LRRC49: variants seen among roughly 807,000 people sequenced by gnomAD.
LRRC49 encodes the protein leucine rich repeat containing 49, also known as leucine-rich repeat-containing protein 49.
Under a neutral mutation model 83.3 loss-of-function variants are expected in LRRC49, and 50 were observed. The ratio of observed to expected loss-of-function variants is 0.60; its 90% confidence interval spans 0.48 to 0.76. The LOEUF is 0.76. LRRC49 is among the 30% of genes least tolerant of loss of function. The pLI, the probability that LRRC49 is intolerant of heterozygous loss-of-function variation, is 0.00. For missense variants in LRRC49, 704 were observed against 809.1 expected (o/e 0.87, Z 1.58); for synonymous variants, 286 against 283.3 (o/e 1.01, Z -0.10).
intron 11 of LRRC49, among the ~76,000 whole-genome samples, chr15:70,989,425 C>T (rs1319566644): frequency 2.6e-5 from 4 of 152,128 alleles, no homozygotes; most frequent in Non-Finnish European, 4.4e-5. Context: ...TTGATCGCAT[C>T]GGCTCCTGAG....
At chr15:70,854,207 G>C (rs1160891357) in intron 1 of LRRC49, 1 of 661,360 alleles carries the variant, frequency 1.5e-6, no homozygotes, top group Non-Finnish European at 2.0e-6. Context: ...TCGGCCCAGG[G>C]GAGGGACAGG....
At chr15:70,898,589 C>T in intron 3 of LRRC49, 1 of 516,340 alleles carries the variant, frequency 1.9e-6, no homozygotes, top group East Asian at 3.1e-5. Flanking sequence ...CCATCTTGAA[C>T]ATGGGTAATA....
In LRRC49 at chr15:70,932,502, A is replaced by G. The variant is rs1040280028; in HGVS notation, c.712-4259A>G. On this transcript the variant is annotated intron_variant, in intron 7 of 15. Coordinates refer to ENST00000260382, the MANE Select transcript of LRRC49 (RefSeq NM_017691.5). ...TTTACTCTAACTTGTTTTGTATGAAAGCCTACATAGTAAAAATGAGAGTAG... is the reference window on the plus strand; with the variant it reads ...TTTACTCTAACTTGTTTTGTATGAAGGCCTACATAGTAAAAATGAGAGTAG... Among the ~76,000 whole-genome samples, 9 of 152,132 alleles carry G rather than the reference A, an allele frequency of 5.9e-5. No homozygotes were observed. The South Asian group carries it at 6.2e-4, about 11-fold the overall frequency.
chr15:70,881,479 C>T (rs1038182487), intron 2 of LRRC49: 1 of 152,098 alleles, frequency 6.6e-6, no homozygotes, highest in Non-Finnish European at 1.5e-5. Context: ...ACTAAGAAGA[C>T]ATATGAGGTG....
chr15:70,855,126 G>C, intron 1 of LRRC49, among the ~76,000 whole-genome samples: 1 of 152,190 alleles, frequency 6.6e-6, no homozygotes, highest in East Asian at 1.9e-4. Flanking sequence ...GAGGTCAAGA[G>C]ATCGAGACCA....
chr15:71,000,377 T>C (rs1317106979), intron 11 of LRRC49, among the ~76,000 whole-genome samples: 3 of 152,230 alleles, frequency 2.0e-5, no homozygotes, highest in Non-Finnish European at 4.4e-5. Flanking sequence ...CATTTATATC[T>C]GTTCTATAAT....
intron 2 of LRRC49, among the ~76,000 whole-genome samples, chr15:70,886,148 C>T (rs556619778): frequency 6.6e-6 from 1 of 152,088 alleles, no homozygotes; most frequent in Non-Finnish European, 1.5e-5. Flanking sequence ...TACTGCATAC[C>T]TAAAACTTGT....
chr15:70,963,652 G>A, intron 8 of LRRC49, 133 bp from the exon 9 acceptor site: 1 of 888,522 alleles, frequency 1.1e-6, no homozygotes, highest in Admixed American at 2.3e-5. Flanking sequence ...TGGGTATGGG[G>A]TATAGGGGAA....
At chr15:71,022,592 A>G (rs2039028839) in intron 14 of LRRC49, among the ~76,000 whole-genome samples, 1 of 152,212 alleles carries the variant, frequency 6.6e-6, no homozygotes, top group Admixed American at 6.5e-5. Context: ...AATACTAGAA[A>G]TAAAAAGGAT....
chr15:70,867,246 C>T (rs2032933444), intron 1 of LRRC49, among the ~76,000 whole-genome samples: 1 of 151,998 alleles, frequency 6.6e-6, no homozygotes, highest in Admixed American at 6.6e-5. Context: ...TTGTAAGGGG[C>T]ACCATGAAGT....
intron 7 of LRRC49, among the ~76,000 whole-genome samples, chr15:70,922,207 TG>T (rs1420035857): frequency 2.6e-5 from 4 of 152,174 alleles, no homozygotes; most frequent in Non-Finnish European, 5.9e-5. Context: ...AGTCAGGACA[TG>T]GAAGAGATAT....
intron 1 of LRRC49, among the ~76,000 whole-genome samples, chr15:70,867,997 C>G (rs2178276): frequency 0.55 from 82,917 of 151,842 alleles, 23,420 homozygotes; most frequent in Admixed American, 0.69. Context: ...TATTAGCTGT[C>G]AAGTTGAGAG....
intron 9 of LRRC49, among the ~76,000 whole-genome samples, chr15:70,978,679 G>C (rs1596090930): frequency 6.6e-6 from 1 of 152,156 alleles, no homozygotes; most frequent in Non-Finnish European, 1.5e-5. Context: ...TGATACAGCA[G>C]TTTCGGTTTT....
At chr15:70,863,876 A>G (rs2032853551) in intron 1 of LRRC49, among the ~76,000 whole-genome samples, 1 of 152,200 alleles carries the variant, frequency 6.6e-6, no homozygotes, top group Non-Finnish European at 1.5e-5. Context: ...CCACTATCTG[A>G]GGGTGCACAT....
At position 70,980,148 on chromosome 15, in the gene LRRC49, G is replaced by A. The variant is rs2037348504; in HGVS notation, c.969G>A (p.Glu323=). Reference sequence around the variant, plus strand: ...CTGTTTTAGCCAAAAAAGAGGAAGAGAAGAAGCGGGAAAGTCATAAACAAT... The same window carrying A: ...CTGTTTTAGCCAAAAAAGAGGAAGAAAAGAAGCGGGAAAGTCATAAACAAT... ...MASVLAKKEE[E]KKRESHKQSL... Residue 323 remains glutamate, a synonymous_variant, in exon 10 of 16, where the codon GAG becomes GAA. Transcript: ENST00000260382. 3 of 1,612,228 alleles carry A rather than the reference G, an allele frequency of 1.9e-6. No homozygotes were observed. The highest frequency in any genetic ancestry group is 2.2e-5 in the South Asian group (2 of 90,894).
intron 1 of LRRC49, among the ~76,000 whole-genome samples, chr15:70,863,793 A>T (rs376927485): frequency 1.3e-5 from 2 of 152,234 alleles, no homozygotes; most frequent in African/African-American, 4.8e-5. Flanking sequence ...GGGACTGTAC[A>T]TGAAAACTGA....
intron 1 of LRRC49, among the ~76,000 whole-genome samples, chr15:70,864,039 T>A (rs61123902): frequency 6.6e-6 from 1 of 152,060 alleles, no homozygotes. Flanking sequence ...GGATAGGGTA[T>A]AGTCTAGCAG....
intron 5 of LRRC49, among the ~76,000 whole-genome samples, chr15:70,908,898 G>T (rs989287004): frequency 6.6e-6 from 1 of 152,194 alleles, no homozygotes; most frequent in African/African-American, 2.4e-5. Flanking sequence ...CTTGGCCTAT[G>T]TGCAGGAATG....
intron 8 of LRRC49, among the ~76,000 whole-genome samples, chr15:70,942,033 A>ATGTGTG (rs34818331): frequency 0.038 from 5,423 of 144,094 alleles, 115 homozygotes; most frequent in Middle Eastern, 0.05. Flanking sequence ...TGTAAAGGTT[A>ATGTGTG]TGTGTGTGTG....
Sources: allele counts gnomAD v4.1 joint callset (sites outside exome capture counted in the v4.1 genomes callset), GRCh38; gene constraint gnomAD v4.1.1; transcripts MANE v1.5; gene names NCBI Gene and HGNC (gene_info 2026-07-23, HGNC 2026-07-21).